The following KCNMA1 variants were observed in gnomAD, a reference collection of about 807,000 sequenced individuals.
KCNMA1 encodes potassium calcium-activated channel subfamily M alpha 1, also known as Calcium-activated potassium channel subunit alpha-1.
A neutral mutation model predicts 140.0 loss-of-function variants in KCNMA1; 29 were observed. That is an observed-to-expected ratio of 0.21 (90% CI 0.15 to 0.28). The LOEUF is 0.28. Among genes scored for constraint, KCNMA1 ranks in the 10% least tolerant of loss-of-function variants. KCNMA1 has a pLI of 1.00. For missense variants in KCNMA1, 880 were observed against 1,602.2 expected, an observed-to-expected ratio of 0.55 and a Z score of 7.70; for synonymous variants, 612 against 611.9, an observed-to-expected ratio of 1.00 and a Z score of 0.00.
intron 2 of KCNMA1, among the ~76,000 whole-genome samples, chr10:77,284,538 G>A (rs751209668): frequency 2.0e-5 from 3 of 151,926 alleles, no homozygotes; most frequent in Non-Finnish European, 2.9e-5. Flanking sequence ...GCTCAAGATG[G>A]TGTCTCTCTA....
At chr10:77,348,789 T>G (rs777868361) in intron 2 of KCNMA1, among the ~76,000 whole-genome samples, 1 of 152,182 alleles carries the variant, frequency 6.6e-6, no homozygotes, top group Non-Finnish European at 1.5e-5. Flanking sequence ...TCCTAGAAAT[T>G]GACACAATTA....
At chr10:77,391,322 C>T (rs1472563032) in intron 2 of KCNMA1, among the ~76,000 whole-genome samples, 3 of 152,160 alleles carry the variant, frequency 2.0e-5, no homozygotes, top group Non-Finnish European at 2.9e-5. Context: ...AGCAAGCTTC[C>T]GCTCACAGAG....
chr10:76,901,272 AT>A (rs1451475847), intron 25 of KCNMA1: 3 of 152,068 alleles, frequency 2.0e-5, no homozygotes, highest in Non-Finnish European at 4.4e-5. Flanking sequence ...TAGGCCATTT[AT>A]ATTTTCTTCT....
rs947256241 is a variant in KCNMA1 at position 77,440,994 on chromosome 10, G to T, written c.379-36971C>A. ...CCACCATGCCTGGCTAATTTTTTCTGTTTTTTTTTCAGTAGAGACGGGGTT... is the reference window on the plus strand; with the variant it reads ...CCACCATGCCTGGCTAATTTTTTCTTTTTTTTTTTCAGTAGAGACGGGGTT... On this transcript the variant is annotated intron_variant, in intron 1 of 27. Coordinates refer to ENST00000286628, the MANE Select transcript of KCNMA1 (RefSeq NM_001161352.2). Among the ~76,000 whole-genome samples the T allele has an allele frequency of 1.5e-4, 22 of 149,666 alleles. 1 individual carries two copies. Among genetic ancestry groups the T allele is most frequent in the African/African-American group, 5.4e-4 (22 of 40,748 alleles).
At chr10:76,899,258 G>A (rs897810127) in intron 25 of KCNMA1, among the ~76,000 whole-genome samples, 6 of 151,990 alleles carry the variant, frequency 3.9e-5, no homozygotes, top group Non-Finnish European at 8.8e-5. Flanking sequence ...ATTTGAATTG[G>A]ACTTTTTAAA....
intron 2 of KCNMA1, among the ~76,000 whole-genome samples, chr10:77,363,116 T>C (rs1262246898): frequency 1.7e-5 from 1 of 59,996 alleles, no homozygotes; most frequent in African/African-American, 8.3e-5. Context: ...TAAGAATTAT[T>C]ATTATTTTTT....
chr10:77,328,679 T>C (rs1043456449), intron 2 of KCNMA1, among the ~76,000 whole-genome samples: 1 of 152,156 alleles, frequency 6.6e-6, no homozygotes, highest in Non-Finnish European at 1.5e-5. Context: ...CCTCTTCTGA[T>C]GCAAATGGTA....
intron 1 of KCNMA1, among the ~76,000 whole-genome samples, chr10:77,535,249 G>A (rs997971717): frequency 2.0e-5 from 3 of 152,144 alleles, no homozygotes; most frequent in Non-Finnish European, 2.9e-5. Flanking sequence ...TCCCACCATT[G>A]ACTCCTGTTC....
chr10:77,284,092 G>C (rs1258055188), intron 2 of KCNMA1, among the ~76,000 whole-genome samples: 1 of 152,142 alleles, frequency 6.6e-6, no homozygotes, highest in East Asian at 1.9e-4. Context: ...GTGAAAAATT[G>C]GGCTAAAGAC....
chr10:77,219,369 C>T (rs2048826270), intron 3 of KCNMA1, among the ~76,000 whole-genome samples: 1 of 152,122 alleles, frequency 6.6e-6, no homozygotes, highest in African/African-American at 2.4e-5. Context: ...GACTCAGGCA[C>T]TCAGGCTCAC....
At chr10:76,947,220 C>G (rs575147743) in intron 22 of KCNMA1, among the ~76,000 whole-genome samples, 1 of 152,036 alleles carries the variant, frequency 6.6e-6, no homozygotes, top group Admixed American at 6.5e-5. Context: ...GCCTGTAAAC[C>G]CAGCTACTCA....
intron 2 of KCNMA1, among the ~76,000 whole-genome samples, chr10:77,329,827 T>C (rs1265033505): frequency 1.3e-5 from 2 of 152,170 alleles, no homozygotes; most frequent in Non-Finnish European, 2.9e-5. Context: ...GCAAATTGCT[T>C]CACCTCTTTG....
intron 20 of KCNMA1, among the ~76,000 whole-genome samples, chr10:76,954,682 C>T (rs1415139910): frequency 2.0e-5 from 3 of 152,186 alleles, no homozygotes; most frequent in Non-Finnish European, 4.4e-5. Context: ...ACCACCTTCA[C>T]CTCCCAACTG....
At chr10:77,078,184 AG>A (rs2096457905) in intron 13 of KCNMA1, 1 of 152,192 alleles carries the variant, frequency 6.6e-6, no homozygotes, top group African/African-American at 2.4e-5. Flanking sequence ...GGCCCATAAG[AG>A]GGGGTACGCT....
intron 16 of KCNMA1, among the ~76,000 whole-genome samples, chr10:77,022,118 A>AT (rs2092930816): frequency 2.0e-5 from 3 of 152,142 alleles, no homozygotes; most frequent in Middle Eastern, 3.4e-3. Context: ...GAACACATAA[A>AT]TTTTTCCAAG....
intron 1 of KCNMA1, 57 bp downstream of exon 1, chr10:77,637,208 G>C: frequency 1.4e-6 from 2 of 1,479,392 alleles, no homozygotes; most frequent in East Asian, 4.9e-5. Context: ...GGGCTGCAGG[G>C]GACGCCGAGA....
chr10:76,887,687 TC>T, intron 27 of KCNMA1, 172 bp from the exon 28 acceptor site: 1 of 741,246 alleles, frequency 1.3e-6, no homozygotes, highest in Non-Finnish European at 2.2e-6. Flanking sequence ...AATGGAAACT[TC>T]CTCTGTTTAA....
chr10:76,877,862 A>G, exon 30 of KCNMA1: 1 of 1,610,640 alleles, frequency 6.2e-7, no homozygotes, highest in Non-Finnish European at 8.5e-7. Flanking sequence ...GATAGGCATT[A>G]TCCGGTTCAT....
chr10:77,006,886 CTG>C (rs2088947127), intron 18 of KCNMA1, among the ~76,000 whole-genome samples: 1 of 151,830 alleles, frequency 6.6e-6, no homozygotes, highest in South Asian at 2.1e-4. Context: ...TTTGGCAAGA[CTG>C]TGCATTGAAT....
Sources: gnomAD v4.1 joint callset for allele counts (sites outside exome capture counted in the v4.1 genomes callset) on GRCh38, gnomAD v4.1.1 for gene constraint, MANE v1.5 for transcripts, NCBI Gene and HGNC (gene_info 2026-07-23, HGNC 2026-07-21) for gene names.